LIAS: variants seen among roughly 807,000 people sequenced by gnomAD.
LIAS encodes lipoic acid synthetase, also known as lipoyl synthase, mitochondrial.
LIAS carries 36 observed loss-of-function variants against 49.4 expected under a neutral mutation model. The observed-to-expected ratio is 0.73, with a 90% CI of 0.56 to 0.96. The LOEUF (loss-of-function observed/expected upper bound fraction) is 0.96. Ranked by LOEUF, LIAS falls within the 40% of genes least tolerant of loss-of-function variation. The pLI, the probability that LIAS is intolerant of heterozygous loss-of-function variation, is 0.00. For missense variants in LIAS, 399 were observed against 456.3 expected (o/e 0.87, Z 1.14); for synonymous variants, 145 against 155.8 (o/e 0.93, Z 0.52).
chr4:39,459,565 G>A (rs1016318760), intron 1 of LIAS, among the ~76,000 whole-genome samples: 3 of 152,170 alleles, frequency 2.0e-5, no homozygotes, highest in Non-Finnish European at 4.4e-5. Flanking sequence ...AGTAGCAATC[G>A]TGCAACACCC....
chr4:39,464,983 T>G (rs555158547), intron 4 of LIAS, 63 bp from the exon 5 acceptor site: 2 of 1,387,650 alleles, frequency 1.4e-6, no homozygotes, highest in African/African-American at 2.9e-5. Flanking sequence ...CTTTATTCTC[T>G]CAACATTATG....
intron 10 of LIAS, chr4:39,473,736 C>T (rs1243382980): frequency 6.6e-6 from 1 of 152,080 alleles, no homozygotes; most frequent in Non-Finnish European, 1.5e-5. Context: ...TCCGTAGGAA[C>T]GTTTAGTTGT....
At chr4:39,474,728 T>C (rs13140899) in intron 10 of LIAS, among the ~76,000 whole-genome samples, 3 of 151,940 alleles carry the variant, frequency 2.0e-5, no homozygotes, top group Admixed American at 2.0e-4. Flanking sequence ...CCTGAGTAGC[T>C]GGGACTACAG....
At chr4:39,460,754 C>G in intron 1 of LIAS, 36 bp from the exon 2 acceptor site, 2 of 1,510,068 alleles carry the variant, frequency 1.3e-6, no homozygotes, top group Non-Finnish European at 1.8e-6. Context: ...ATTACGGACT[C>G]CACTAAATAA....
At chr4:39,466,562 T>G (rs769188418) in intron 6 of LIAS, 2 of 149,582 alleles carry the variant, frequency 1.3e-5, no homozygotes, top group Non-Finnish European at 3.0e-5. Context: ...CTACAAAAAA[T>G]AAATTAAAAA....
chr4:39,469,345 A>T (rs950346882), intron 7 of LIAS: 2 of 152,232 alleles, frequency 1.3e-5, no homozygotes, highest in African/African-American at 4.8e-5. Flanking sequence ...AATTACAGAA[A>T]ATAAAGCTGC....
chr4:39,463,423 G>A, intron 3 of LIAS, 102 bp from the exon 4 acceptor site: 1 of 1,386,476 alleles, frequency 7.2e-7, no homozygotes, highest in Non-Finnish European at 9.5e-7. Context: ...TCAAAAATAT[G>A]TTGTAAACAA....
chr4:39,463,694 C>A, intron 4 of LIAS, 89 bp downstream of exon 4: 1 of 1,456,950 alleles, frequency 6.9e-7, no homozygotes, highest in Non-Finnish European at 9.1e-7. Context: ...CATTATGAAT[C>A]TCTGGTCAGA....
chr4:39,477,195 T>A lies in LIAS; in HGVS notation c.*80T>A. 1.9e-6 allele frequency: 2 copies of A among 1,036,720 alleles called. No homozygotes were observed. The highest frequency in any genetic ancestry group is 2.9e-6 in the Non-Finnish European group (2 of 686,902). The allele number at this position is 1,036,720 out of a possible 1,614,324, so 64.2% of individuals were successfully genotyped here. A position where few individuals can be genotyped will look rare whatever the true frequency, so the allele number is the denominator to read the frequency against. ...ATAACAGAGGTGGTGCCAGAATGCC[T>A]GGACTGCAGTGGATGTGCCCCACCT... On this transcript the variant is annotated 3_prime_UTR_variant, in exon 11 of 11. Coordinates refer to ENST00000640888, the MANE Select transcript of LIAS (RefSeq NM_006859.4).
chr4:39,459,309 T>G, intron 1 of LIAS, 147 bp downstream of exon 1: 1 of 675,836 alleles, frequency 1.5e-6, no homozygotes. Context: ...TGTAATCTCA[T>G]GTAATTATCC....
intron 6 of LIAS, 27 bp from the exon 7 acceptor site, chr4:39,467,490 GT>G: frequency 6.4e-7 from 1 of 1,551,992 alleles, no homozygotes; most frequent in Non-Finnish European, 8.7e-7. Context: ...CTTTCTCTCT[GT>G]TTGATAATTC....
In LIAS at chr4:39,465,034, TTTCTA is replaced by T; in HGVS notation, c.394-6_394-2del. On this transcript the variant is annotated splice_polypyrimidine_tract_variant and splice_region_variant and intron_variant, in intron 4 of 10. Transcript: ENST00000640888. ...TGTCTATTTCATTTAAATTGTAACA[TTTCTA>T]TTCTAGTTGATGGGTGACACATGTA... 1 of 1,606,160 alleles carries T rather than the reference TTTCTA, an allele frequency of 6.2e-7. No homozygotes were observed. The highest frequency in any genetic ancestry group is 8.5e-7 in the Non-Finnish European group (1 of 1,174,302).
rs1578241808 is a variant in LIAS at position 39,470,051 on chromosome 4, A to T, written c.770A>T (p.Gln257Leu). 1 of 1,608,770 alleles carries T rather than the reference A, an allele frequency of 6.2e-7. No homozygotes were observed. The highest frequency in any genetic ancestry group is 8.5e-7 in the Non-Finnish European group (1 of 1,176,736). The change falls in exon 8 of 11, where the codon CAG (glutamine) becomes CTG (leucine). Residue 257 changes from glutamine to leucine, a missense_variant. Gln to Leu is a moderately radical substitution (Grantham distance 113, BLOSUM62 -2). Transcript: ENST00000640888. ...KVRDPRANFD[Q>L]SLRVLKHAKK... ...CGTGATCCTCGGGCCAATTTTGATC[A>T]GTCCCTACGTGTACTGAAACATGCC...
At position 39,478,924 on chromosome 4, in the gene LIAS, C is replaced by T. The variant is rs1745300271; in HGVS notation, c.*1809C>T. The stretch of plus-strand genomic sequence containing the variant: ...CAGTATTATAAAAGTAATGCACATC[C>T]TTGCCAGGTGTGGTGGCTCACGCCT... On this transcript the variant is annotated 3_prime_UTR_variant, in exon 11 of 11. Coordinates refer to ENST00000640888, the MANE Select transcript of LIAS (RefSeq NM_006859.4). 6.6e-6 allele frequency: 1 copy of T among 152,062 alleles called. No individual in the cohort carries two copies. The highest frequency in any genetic ancestry group is 1.5e-5 in the Non-Finnish European group (1 of 68,000). The allele number at this position is 152,062 out of a possible 1,614,324, so 9.4% of individuals were successfully genotyped here.
chr4:39,467,379 G>C (rs1744799784), intron 6 of LIAS, 139 bp from the exon 7 acceptor site: 2 of 657,572 alleles, frequency 3.0e-6, no homozygotes, highest in African/African-American at 3.7e-5. Flanking sequence ...ATGAACATCT[G>C]TATGTTCATA....
Position 39,471,426 on chromosome 4 carries a change from T to G in LIAS, c.954+120T>G, listed in dbSNP as rs1332883339. 5 of 674,304 alleles carry G rather than the reference T, an allele frequency of 7.4e-6. No homozygotes were observed. In the East Asian group the frequency reaches 1.4e-4, roughly 19 times the overall value. The allele number at this position is 674,304 out of a possible 1,614,324, so 41.8% of individuals were successfully genotyped here. A position where few individuals can be genotyped will look rare whatever the true frequency, so the allele number is the denominator to read the frequency against. ...TCGGCTCACTGTAATCTCTGCTTCCTGGGTTCAGGTGATTCTCCTGCCTCA... is the reference window on the plus strand; with the variant it reads ...TCGGCTCACTGTAATCTCTGCTTCCGGGGTTCAGGTGATTCTCCTGCCTCA... On this transcript the variant is annotated intron_variant, in intron 9 of 10. Transcript: ENST00000640888.
At chr4:39,470,208 G>A in intron 8 of LIAS, 44 bp downstream of exon 8, 1 of 1,541,132 alleles carries the variant, frequency 6.5e-7, no homozygotes, top group Non-Finnish European at 8.9e-7. Flanking sequence ...TGTAATTTGA[G>A]TAATAGCAGG....
chr4:39,472,870 A>C (rs1745048356), intron 9 of LIAS, among the ~76,000 whole-genome samples: 1 of 152,222 alleles, frequency 6.6e-6, no homozygotes, highest in Admixed American at 6.5e-5. Flanking sequence ...ATTGTAGCAC[A>C]AAATTGATAT....
At chr4:39,469,921 G>A in intron 7 of LIAS, 98 bp from the exon 8 acceptor site, 1 of 1,075,794 alleles carries the variant, frequency 9.3e-7, no homozygotes, top group Non-Finnish European at 1.4e-6. Flanking sequence ...TTAAGATAAT[G>A]TGCAGAATGT....
Sources: allele counts gnomAD v4.1 joint callset (sites outside exome capture counted in the v4.1 genomes callset), GRCh38; gene constraint gnomAD v4.1.1; transcripts MANE v1.5; gene names NCBI Gene and HGNC (gene_info 2026-07-23, HGNC 2026-07-21).